KAZN: variants seen among roughly 807,000 people sequenced by gnomAD.
KAZN encodes kazrin.
A neutral mutation model predicts 87.4 loss-of-function variants in KAZN; 40 were observed. The ratio of observed to expected loss-of-function variants is 0.46; its 90% CI spans 0.36 to 0.60. KAZN has a LOEUF of 0.60. Among genes scored for constraint, KAZN ranks in the 20% least tolerant of loss-of-function variants. The pLI is 0.00. For synonymous variants in KAZN, 466 were observed against 458.3 expected (o/e 1.02, Z -0.22); for missense variants, 898 against 1,073.9 (o/e 0.84, Z 2.29).
At chr1:14,759,800 G>A (rs1644685544) in intron 1 of KAZN, among the ~76,000 whole-genome samples, 1 of 152,130 alleles carries the variant, frequency 6.6e-6, no homozygotes, top group African/African-American at 2.4e-5. Flanking sequence ...CAATGAGTAT[G>A]TGTAGCAGAC....
intron 1 of KAZN, among the ~76,000 whole-genome samples, chr1:14,172,915 C>T (rs780378944): frequency 6.6e-6 from 1 of 152,220 alleles, no homozygotes; most frequent in Admixed American, 6.5e-5. Context: ...TGTGGGCTTC[C>T]TCCAAGTATG....
At position 14,121,798 on chromosome 1, in the gene KAZN, TAGGG is replaced by T. The variant is rs564378165; in HGVS notation, c.92-58633_92-58630del. 2.3e-3 allele frequency among the ~76,000 whole-genome samples: 345 copies of T among 152,206 alleles called. 3 individuals carry two copies. The highest frequency in any genetic ancestry group is 7.8e-3 in the African/African-American group (323 of 41,522). On this transcript the variant is annotated intron_variant, in intron 1 of 16. Transcript: ENST00000636203. ...CAGGGTAGAGGGTTCCAGTTTTCAATAGGGAGGTGAGAATAAGCCTCTTTGAGAA... is the reference window on the plus strand; with the variant it reads ...CAGGGTAGAGGGTTCCAGTTTTCAATAGGTGAGAATAAGCCTCTTTGAGAA...
intron 2 of KAZN, among the ~76,000 whole-genome samples, chr1:14,232,517 C>T (rs187366301): frequency 2.0e-4 from 30 of 152,194 alleles, no homozygotes; most frequent in Non-Finnish European, 2.2e-4. Context: ...CCCTAGGGGC[C>T]GACAAGGTCC....
At chr1:14,377,926 A>G (rs1222443634) in intron 2 of KAZN, among the ~76,000 whole-genome samples, 1 of 152,250 alleles carries the variant, frequency 6.6e-6, no homozygotes, top group Non-Finnish European at 1.5e-5. Context: ...GAATGTCTCC[A>G]GACATTATCA....
intron 1 of KAZN, among the ~76,000 whole-genome samples, chr1:14,947,259 AT>A (rs201493783): frequency 6.6e-6 from 1 of 151,536 alleles, no homozygotes; most frequent in Non-Finnish European, 1.5e-5. Context: ...GGTGTTGGTA[AT>A]TTTTTTTTCC....
intron 1 of KAZN, among the ~76,000 whole-genome samples, chr1:14,947,596 G>A (rs1462853714): frequency 6.6e-6 from 1 of 152,266 alleles, no homozygotes; most frequent in Non-Finnish European, 1.5e-5. Context: ...AGCCTATCCA[G>A]TGGTTAGGAA....
At chr1:14,004,164 C>T (rs142027531) in intron 1 of KAZN, among the ~76,000 whole-genome samples, 13 of 151,810 alleles carry the variant, frequency 8.6e-5, no homozygotes, top group African/African-American at 2.7e-4. Context: ...TTAAAACCAC[C>T]GTGATATACA....
chr1:14,955,278 C>T (rs746657677), intron 1 of KAZN, among the ~76,000 whole-genome samples: 2 of 152,256 alleles, frequency 1.3e-5, no homozygotes, highest in Non-Finnish European at 2.9e-5. Context: ...GTGCCAGGCA[C>T]ATGTAAGCGC....
chr1:14,315,647 A>G (rs1174656808), intron 2 of KAZN, among the ~76,000 whole-genome samples: 2 of 152,038 alleles, frequency 1.3e-5, no homozygotes, highest in Admixed American at 6.6e-5. Context: ...AAATGGGATG[A>G]TGTAGTATGT....
chr1:13,977,676 C>G (rs917179186), intron 1 of KAZN, among the ~76,000 whole-genome samples: 3 of 152,088 alleles, frequency 2.0e-5, no homozygotes, highest in African/African-American at 7.2e-5. Flanking sequence ...AAACAGGCGG[C>G]CTGGAACTTA....
At chr1:14,365,368 TGGG>T (rs796259489) in intron 2 of KAZN, among the ~76,000 whole-genome samples, 6,365 of 83,224 alleles carry the variant, frequency 0.076, 606 homozygotes, top group African/African-American at 0.21. Context: ...CCCCCCGGGG[TGGG>T]GGGGGGGGGG....
intron 1 of KAZN, among the ~76,000 whole-genome samples, chr1:14,028,451 A>C (rs1259890889): frequency 1.3e-5 from 2 of 152,178 alleles, no homozygotes; most frequent in Non-Finnish European, 2.9e-5. Flanking sequence ...AGCCAGCCGG[A>C]TGTTAACAAA....
chr1:14,779,018 T>C (rs762080325), intron 1 of KAZN, among the ~76,000 whole-genome samples: 12 of 152,142 alleles, frequency 7.9e-5, no homozygotes, highest in Non-Finnish European at 1.6e-4. Context: ...TGGGCTCCTT[T>C]TTCGTGAATC....
At chr1:15,061,196 A>G (rs1202925783) in intron 6 of KAZN, 3 of 152,260 alleles carry the variant, frequency 2.0e-5, no homozygotes, top group Non-Finnish European at 4.4e-5. Context: ...TACCTGGAGA[A>G]CTCAAGAGAA....
intron 2 of KAZN, among the ~76,000 whole-genome samples, chr1:14,448,736 G>T (rs965563708): frequency 6.6e-5 from 10 of 152,200 alleles, no homozygotes; most frequent in Non-Finnish European, 1.2e-4. Context: ...ACGGAGTTGG[G>T]CGAGGGCAGG....
rs141291052 is a variant in KAZN, at chr1:14,664,198, C to T, written c.226+64975C>T. Among the ~76,000 whole-genome samples the T allele has an allele frequency of 2.2e-3, 333 of 152,316 alleles. 4 individuals carry two copies. In the East Asian group the frequency reaches 0.025, roughly 12 times the overall value. ...CTGTCATCCAAGCACCTTGGGAGGC[C>T]GAGGTGGGCAGATCACCTGAGGTCA... On this transcript the variant is annotated intron_variant, in intron 1 of 14. Coordinates refer to ENST00000376030, the MANE Select transcript of KAZN (RefSeq NM_201628.3).
intron 1 of KAZN, among the ~76,000 whole-genome samples, chr1:14,113,260 T>A (rs1644537906): frequency 6.6e-6 from 1 of 152,144 alleles, no homozygotes; most frequent in African/African-American, 2.4e-5. Context: ...CCCTGTCTCT[T>A]AGGGAGTTGG....
chr1:13,936,310 C>T (rs771705900), intron 1 of KAZN, among the ~76,000 whole-genome samples: 29 of 151,652 alleles, frequency 1.9e-4, no homozygotes. Flanking sequence ...CCGTGTTGGT[C>T]AGGCTGGTCT....
At chr1:14,106,211 C>T (rs1644370955) in intron 1 of KAZN, among the ~76,000 whole-genome samples, 1 of 152,172 alleles carries the variant, frequency 6.6e-6, no homozygotes, top group Non-Finnish European at 1.5e-5. Context: ...GAGGGTTCTC[C>T]AAAGCCCCCA....
Sources: gnomAD v4.1 joint callset for allele counts (sites outside exome capture counted in the v4.1 genomes callset) on GRCh38, gnomAD v4.1.1 for gene constraint, MANE v1.5 for transcripts, NCBI Gene and HGNC (gene_info 2026-07-23, HGNC 2026-07-21) for gene names.